Variants in ATP8B1 observed in about 807,000 individuals in gnomAD.
The protein encoded by ATP8B1 is phospholipid-transporting ATPase IC.
Under a neutral mutation model 149.9 loss-of-function variants are expected in ATP8B1, and 80 were observed. The observed-to-expected ratio is 0.53, with a 90% CI of 0.45 to 0.64. ATP8B1 has a LOEUF of 0.64. ATP8B1 is among the 30% of genes least tolerant of loss of function. ATP8B1 has a pLI of 0.00. For synonymous variants in ATP8B1, 536 were observed against 562.8 expected (o/e 0.95, Z 0.67); for missense variants, 1,247 against 1,552.6 (o/e 0.80, Z 3.31).
At position 57,704,649 on chromosome 18, in the gene ATP8B1, T is replaced by C; in HGVS notation, c.299A>G (p.Tyr100Cys). Residue 100 changes from tyrosine to cysteine, a missense_variant, in exon 4 of 28, where the codon TAC (tyrosine) becomes TGC (cysteine). Coordinates refer to ENST00000648908, the MANE Select transcript of ATP8B1 (RefSeq NM_001374385.1). ...SKYANNAIKT[Y>C]KYNAFTFIPM... is the part of the protein sequence containing the mutation. ...TATAAAGGTAAATGCGTTGTACTTG[T>C]ATGTTTTAATTGCATTATTCTGTTG... The C allele has an allele frequency of 6.2e-7, 1 of 1,604,742 alleles. No individual in the cohort carries two copies. The highest frequency in any genetic ancestry group is 8.5e-7 in the Non-Finnish European group (1 of 1,171,514).
intron 1 of ATP8B1, among the ~76,000 whole-genome samples, chr18:57,770,693 C>T (rs2080256152): frequency 6.6e-6 from 1 of 152,262 alleles, no homozygotes; most frequent in East Asian, 1.9e-4. Flanking sequence ...GGGCAAACCA[C>T]ACGCAGGGGA....
intron 12 of ATP8B1, among the ~76,000 whole-genome samples, chr18:57,689,554 C>T (rs781649291): frequency 7.9e-5 from 12 of 152,150 alleles, no homozygotes; most frequent in Non-Finnish European, 1.6e-4. Flanking sequence ...CTCTCCCTTC[C>T]GTAAGTATTT....
chr18:57,702,426 C>T (rs1238985347), intron 4 of ATP8B1, among the ~76,000 whole-genome samples: 2 of 152,174 alleles, frequency 1.3e-5, no homozygotes, highest in African/African-American at 4.8e-5. Context: ...GCTTACTAGG[C>T]CTCAGCTTTT....
chr18:57,711,245 A>G (rs980713124), intron 2 of ATP8B1, among the ~76,000 whole-genome samples: 6 of 152,346 alleles, frequency 3.9e-5, no homozygotes, highest in African/African-American at 1.2e-4. Context: ...GAACGACTAG[A>G]AACAACCCAA....
chr18:57,648,487 A>C lies in ATP8B1; in HGVS notation c.*1T>G. On this transcript the variant is annotated 3_prime_UTR_variant, in exon 28 of 28. Coordinates refer to ENST00000648908, the MANE Select transcript of ATP8B1 (RefSeq NM_001374385.1). The stretch of plus-strand genomic sequence containing the variant: ...CCGCATCCCAGCCTGGGGGTAAGGG[A>C]TCAGCTGTCCCCGGTGCGCCTGTAC... 2 of 1,611,132 alleles carry C rather than the reference A, an allele frequency of 1.2e-6. No individual in the cohort carries two copies. Among genetic ancestry groups the C allele is most frequent in the Non-Finnish European group, 1.7e-6 (2 of 1,179,968 alleles).
At chr18:57,750,251 A>G (rs189391920) in intron 1 of ATP8B1, among the ~76,000 whole-genome samples, 3 of 152,352 alleles carry the variant, frequency 2.0e-5, no homozygotes, top group East Asian at 1.9e-4. Context: ...TCAAAAAAAG[A>G]AAAAGAATAA....
chr18:57,760,718 C>T (rs1246122052), intron 1 of ATP8B1, among the ~76,000 whole-genome samples: 14 of 152,134 alleles, frequency 9.2e-5, no homozygotes, highest in Non-Finnish European at 1.9e-4. Context: ...TGGCCGGGCG[C>T]AGTGGCTCAC....
chr18:57,673,683 GAT>G (rs1911406312), intron 16 of ATP8B1, among the ~76,000 whole-genome samples: 1 of 151,272 alleles, frequency 6.6e-6, no homozygotes, highest in Non-Finnish European at 1.5e-5. Context: ...ATATATATTA[GAT>G]CTATATATAG....
At chr18:57,743,539 G>A (rs1054284667) in intron 1 of ATP8B1, among the ~76,000 whole-genome samples, 4 of 152,084 alleles carry the variant, frequency 2.6e-5, no homozygotes, top group South Asian at 2.1e-4. Context: ...TTTCCTAGAC[G>A]GTTTTTGAGC....
intron 2 of ATP8B1, among the ~76,000 whole-genome samples, chr18:57,730,818 T>TATAC (rs2079756388): frequency 9.5e-4 from 1 of 1,058 alleles, no homozygotes; most frequent in African/African-American, 3.6e-3. Flanking sequence ...TATATATATA[T>TATAC]ATATATATAT....
chr18:57,714,512 G>A (rs1182522617), intron 2 of ATP8B1, among the ~76,000 whole-genome samples: 2 of 148,310 alleles, frequency 1.3e-5, no homozygotes, highest in Non-Finnish European at 3.0e-5. Flanking sequence ...GGCCATATTG[G>A]TGCTTGTATC....
At chr18:57,699,603 A>C (rs1349822781) in intron 6 of ATP8B1, among the ~76,000 whole-genome samples, 1 of 152,102 alleles carries the variant, frequency 6.6e-6, no homozygotes, top group Non-Finnish European at 1.5e-5. Context: ...GGGCGCCTGT[A>C]GTCCCAGCTA....
chr18:57,695,606 T>C, intron 8 of ATP8B1, 74 bp from the exon 9 acceptor site: 2 of 1,126,056 alleles, frequency 1.8e-6, no homozygotes, highest in Non-Finnish European at 2.7e-6. Flanking sequence ...CATCCAAAGT[T>C]ACATTAGCCA....
chr18:57,668,523 A>G lies in ATP8B1; in HGVS notation c.2115T>C (p.Ala705=). The G allele has an allele frequency of 8.0e-7, 1 of 1,244,322 alleles. No individual in the cohort carries two copies. Among genetic ancestry groups the G allele is most frequent in the Non-Finnish European group, 1.2e-6 (1 of 854,274 alleles). The allele number at this position is 1,244,322 out of a possible 1,614,324, so 77.1% of individuals were successfully genotyped here. ...EKDLILLGAT[A]IEDKLQDGVP... is the part of the protein sequence containing the mutation. ...CTCCATCCTGTAGCTTGTCTTCAAT[A>G]GCTGTAGCTCCCAGGAGCTAGAATG... The change falls in exon 19 of 28, where the codon GCT becomes GCC. Residue 705 remains alanine, a synonymous_variant. Transcript: ENST00000648908.
At chr18:57,685,425 A>G (rs1384488722) in intron 13 of ATP8B1, among the ~76,000 whole-genome samples, 1 of 152,042 alleles carries the variant, frequency 6.6e-6, no homozygotes, top group Non-Finnish European at 1.5e-5. Context: ...GTGCCCTACC[A>G]TCTTCACTGA....
At chr18:57,703,169 G>A (rs965144244) in intron 4 of ATP8B1, among the ~76,000 whole-genome samples, 4 of 151,542 alleles carry the variant, frequency 2.6e-5, no homozygotes, top group Non-Finnish European at 5.9e-5. Context: ...TCCTCTCCAC[G>A]CATCCTCCAT....
At chr18:57,782,953 C>T (rs533967123) in intron 1 of ATP8B1, among the ~76,000 whole-genome samples, 10 of 152,024 alleles carry the variant, frequency 6.6e-5, no homozygotes, top group African/African-American at 2.4e-4. Context: ...GCTGGGATTA[C>T]AGGCACCCAC....
At chr18:57,761,098 AAAAT>A (rs2080150987) in intron 1 of ATP8B1, among the ~76,000 whole-genome samples, 1 of 83,764 alleles carries the variant, frequency 1.2e-5, no homozygotes. Context: ...AATAAAATAA[AAAAT>A]AAAATAAAAT....
chr18:57,649,000 C>T (rs1018400557), intron 27 of ATP8B1, among the ~76,000 whole-genome samples: 8 of 152,132 alleles, frequency 5.3e-5, no homozygotes, highest in African/African-American at 1.2e-4. Flanking sequence ...CAGGTTCAAG[C>T]GATCCTCCTG....
Sources: allele counts gnomAD v4.1 joint callset (sites outside exome capture counted in the v4.1 genomes callset), GRCh38; gene constraint gnomAD v4.1.1; transcripts MANE v1.5; gene names NCBI Gene and HGNC (gene_info 2026-07-23, HGNC 2026-07-21).